CAMSAP2: variants seen among roughly 807,000 people sequenced by gnomAD.
CAMSAP2 encodes the protein calmodulin-regulated spectrin-associated protein 2.
CAMSAP2 carries 26 observed loss-of-function variants against 146.1 expected under a neutral mutation model. That is an observed-to-expected ratio of 0.18 (90% confidence interval 0.13 to 0.25). The LOEUF (loss-of-function observed/expected upper bound fraction) is 0.25. Ranked by LOEUF, CAMSAP2 falls within the 10% of genes least tolerant of loss-of-function variation. CAMSAP2 has a pLI of 1.00. For synonymous variants in CAMSAP2, 499 were observed against 596.6 expected, an observed-to-expected ratio of 0.84 and a Z score of 2.38; for missense variants, 1,381 against 1,759.3, an observed-to-expected ratio of 0.78 and a Z score of 3.85.
At chr1:200,826,164 C>A (rs1169956900) in intron 4 of CAMSAP2, among the ~76,000 whole-genome samples, 1 of 152,122 alleles carries the variant, frequency 6.6e-6, no homozygotes, top group Non-Finnish European at 1.5e-5. Context: ...GGCGTGGTGG[C>A]TCACACTTGT....
chr1:200,749,172 T>A (rs962041627), intron 1 of CAMSAP2, among the ~76,000 whole-genome samples: 2 of 152,254 alleles, frequency 1.3e-5, no homozygotes, highest in African/African-American at 4.8e-5. Context: ...CTGTCTCTAC[T>A]GCATTAGCCT....
chr1:200,751,649 C>T (rs890769718), intron 1 of CAMSAP2, among the ~76,000 whole-genome samples: 1 of 147,240 alleles, frequency 6.8e-6, no homozygotes, highest in Non-Finnish European at 1.5e-5. Flanking sequence ...GAATATTTAA[C>T]AAACCCTAGG....
intron 2 of CAMSAP2, among the ~76,000 whole-genome samples, chr1:200,765,549 C>A (rs1664925796): frequency 6.6e-6 from 1 of 152,058 alleles, no homozygotes; most frequent in South Asian, 2.1e-4. Flanking sequence ...TTCTATGTAT[C>A]CAGCTGACCA....
intron 4 of CAMSAP2, among the ~76,000 whole-genome samples, chr1:200,826,077 G>A (rs150363157): frequency 2.8e-4 from 42 of 152,266 alleles, no homozygotes; most frequent in African/African-American, 9.4e-4. Context: ...AAAAGAGCTT[G>A]TACCATTTTA....
chr1:200,856,610 T>C (rs1197334531), intron 15 of CAMSAP2, among the ~76,000 whole-genome samples: 1 of 152,206 alleles, frequency 6.6e-6, no homozygotes, highest in East Asian at 1.9e-4. Context: ...GAATAGAATG[T>C]GGGTTAAGGA....
At chr1:200,847,007 G>A (rs149436625) in intron 8 of CAMSAP2, among the ~76,000 whole-genome samples, 53 of 152,230 alleles carry the variant, frequency 3.5e-4, no homozygotes, top group Non-Finnish European at 5.9e-4. Context: ...AGTACTTCAA[G>A]TTGTTTGGCT....
chr1:200,742,505 A>G (rs151128898), intron 1 of CAMSAP2, among the ~76,000 whole-genome samples: 2 of 152,290 alleles, frequency 1.3e-5, no homozygotes, highest in African/African-American at 4.8e-5. Flanking sequence ...ACAAATTTAT[A>G]TGGAGTGAAT....
In CAMSAP2 at chr1:200,848,702, A is replaced by G. The variant is rs1667529189; in HGVS notation, c.1933A>G (p.Lys645Glu). ...GGACTCTGACATGGATGATGCATCT[A>G]AATTTCTTCAGGATTATGATATTCG... is the stretch of plus-strand genomic sequence containing the variant. ...SLDSDMDDAS[K>E]FLQDYDIRTG... is the part of the protein sequence containing the mutation. The change falls in exon 11 of 17, where the codon AAA (lysine) becomes GAA (glutamate). Residue 645 changes from lysine to glutamate, a missense_variant. This residue lies in a region of CAMSAP2 where 447 missense variants were observed against 462.2 expected (regional missense o/e 0.97). Coordinates refer to ENST00000358823, the MANE Select transcript of CAMSAP2 (RefSeq NM_203459.4). The G allele has an allele frequency of 3.1e-6, 5 of 1,614,038 alleles. No homozygotes were observed. Among genetic ancestry groups the G allele is most frequent in the Non-Finnish European group, 4.2e-6 (5 of 1,179,982 alleles).
intron 1 of CAMSAP2, among the ~76,000 whole-genome samples, chr1:200,741,179 T>G (rs1202860157): frequency 1.3e-5 from 2 of 152,234 alleles, no homozygotes; most frequent in East Asian, 3.8e-4. Flanking sequence ...AATTTGTTTT[T>G]GGGGAAACTT....
chr1:200,791,649 C>G (rs1665756461), intron 2 of CAMSAP2, among the ~76,000 whole-genome samples: 1 of 152,050 alleles, frequency 6.6e-6, no homozygotes, highest in Admixed American at 6.6e-5. Flanking sequence ...TTCCTGTGGT[C>G]CCTTTCAAAG....
At position 200,860,573 on chromosome 1, in the gene CAMSAP2, T is replaced by C. The variant is rs1053749451; in HGVS notation, c.*2514T>C. The stretch of plus-strand genomic sequence containing the variant: ...ATGTACAGTGTATGGTGTGCTTACC[T>C]GTCCACTCTAGAGCATTGCTTACAG... On this transcript the variant is annotated 3_prime_UTR_variant, in exon 17 of 17. Transcript: ENST00000358823. 1 of 152,372 alleles carries C rather than the reference T, an allele frequency of 6.6e-6. No homozygotes were observed. The highest frequency in any genetic ancestry group is 6.5e-5 in the Admixed American group (1 of 15,280). 9.4% of individuals were successfully genotyped at this position (152,372 alleles called of 1,614,324 possible). A position where few individuals can be genotyped will look rare whatever the true frequency, so the allele number is the denominator to read the frequency against.
chr1:200,742,395 G>A (rs1664206221), intron 1 of CAMSAP2, among the ~76,000 whole-genome samples: 1 of 152,148 alleles, frequency 6.6e-6, no homozygotes, highest in African/African-American at 2.4e-5. Flanking sequence ...TGAAAAACAA[G>A]TTTAGAAGAC....
At chr1:200,781,924 A>G (rs1014556484) in intron 2 of CAMSAP2, among the ~76,000 whole-genome samples, 67 of 152,114 alleles carry the variant, frequency 4.4e-4, no homozygotes, top group African/African-American at 1.4e-3. Context: ...TGGCAACTCC[A>G]TTATTAGTGA....
At chr1:200,764,707 T>C (rs1664893542) in intron 2 of CAMSAP2, among the ~76,000 whole-genome samples, 2 of 152,224 alleles carry the variant, frequency 1.3e-5, no homozygotes, top group Non-Finnish European at 2.9e-5. Flanking sequence ...AGAATAAATA[T>C]TGAAGACCTC....
chr1:200,787,736 T>C (rs1025065602), intron 2 of CAMSAP2, among the ~76,000 whole-genome samples: 9 of 152,178 alleles, frequency 5.9e-5, no homozygotes, highest in South Asian at 2.1e-4. Flanking sequence ...TCACATATTA[T>C]AGAGAAATTT....
chr1:200,771,932 T>C (rs1665127728), intron 2 of CAMSAP2, among the ~76,000 whole-genome samples: 1 of 152,200 alleles, frequency 6.6e-6, no homozygotes. Context: ...TTACAGCTAA[T>C]TTAACAGGGT....
chr1:200,829,811 C>T (rs1666996272), intron 4 of CAMSAP2, among the ~76,000 whole-genome samples: 1 of 152,034 alleles, frequency 6.6e-6, no homozygotes, highest in Non-Finnish European at 1.5e-5. Context: ...TTTGTGGTTT[C>T]ACCTACTCAA....
At position 200,848,895 on chromosome 1, in the gene CAMSAP2, C is replaced by A; in HGVS notation, c.2126C>A (p.Ser709Tyr). 8.7e-6 allele frequency: 14 copies of A among 1,614,122 alleles called. No homozygotes were observed. The highest frequency in any genetic ancestry group is 1.1e-5 in the Non-Finnish European group (13 of 1,180,008). ...GATGGAAAAAGTAGTGGAAGCAGTTCTCAAAAAACTACACCAGAAGGCTCT... is the reference window on the plus strand; with the variant it reads ...GATGGAAAAAGTAGTGGAAGCAGTTATCAAAAAACTACACCAGAAGGCTCT... ...HTDGKSSGSS[S>Y]QKTTPEGSEL... The change falls in exon 11 of 17, where the codon TCT (serine) becomes TAT (tyrosine). Residue 709 changes from serine to tyrosine, a missense_variant. Transcript: ENST00000358823.
At chr1:200,759,667 T>C (rs941837331) in intron 1 of CAMSAP2, among the ~76,000 whole-genome samples, 3 of 152,186 alleles carry the variant, frequency 2.0e-5, no homozygotes, top group African/African-American at 7.2e-5. Flanking sequence ...CTAAGATCAG[T>C]GATGGGATGG....
Sources: gnomAD v4.1 joint callset for allele counts (sites outside exome capture counted in the v4.1 genomes callset) on GRCh38, gnomAD v4.1.1 for gene constraint, gnomAD v4.1.1 regional missense constraint, MANE v1.5 for transcripts, NCBI Gene and HGNC (gene_info 2026-07-23, HGNC 2026-07-21) for gene names.